Variants in LYPLA1 observed in about 807,000 individuals in gnomAD.
The protein encoded by LYPLA1 is acyl-protein thioesterase 1.
A neutral mutation model predicts 34.0 loss-of-function variants in LYPLA1; 17 were observed. The ratio of observed to expected loss-of-function variants is 0.50; its 90% CI spans 0.34 to 0.75. The LOEUF is 0.75. Among genes scored for constraint, LYPLA1 ranks in the 30% least tolerant of loss-of-function variants. The pLI is 0.01. For synonymous variants in LYPLA1, 98 were observed against 100.8 expected, an observed-to-expected ratio of 0.97 and a Z score of 0.17; for missense variants, 203 against 288.8, an observed-to-expected ratio of 0.70 and a Z score of 2.15.
chr8:54,062,307 A>G lies in LYPLA1; in HGVS notation c.233T>C (p.Leu78Pro). 1 of 1,606,412 alleles carries G rather than the reference A, an allele frequency of 6.2e-7. No homozygotes were observed. Among genetic ancestry groups the G allele is most frequent in the Non-Finnish European group, 8.5e-7 (1 of 1,177,324 alleles). ...AMPSWFDIIG[L>P]SPDSQEDESG... is the part of the protein sequence containing the mutation. ...TTCATCCTCCTGTGAATCTGGTGAA[A>G]GCCCAATAATATCAAACCTGTAAAA... Residue 78 changes from leucine (L) to proline (P), a missense_variant, in exon 5 of 9, where the codon CTT (leucine) becomes CCT (proline). Transcript: ENST00000316963.
downstream of LYPLA1, among the ~76,000 whole-genome samples, chr8:54,045,140 A>C (rs1360481238): frequency 1.3e-5 from 2 of 152,256 alleles, no homozygotes; most frequent in Non-Finnish European, 2.9e-5. Flanking sequence ...CTTCTGTAAA[A>C]TCAAGATGGT....
At chr8:54,060,208 C>T (rs983924630) in intron 5 of LYPLA1, among the ~76,000 whole-genome samples, 22 of 152,090 alleles carry the variant, frequency 1.4e-4, no homozygotes, top group African/African-American at 5.3e-4. Flanking sequence ...TCACTGTAGC[C>T]TCTGCCTCCC....
At chr8:54,044,058 A>G (rs1805427073), downstream of LYPLA1, among the ~76,000 whole-genome samples, 1 of 151,620 alleles carries the variant, frequency 6.6e-6, no homozygotes, top group Non-Finnish European at 1.5e-5. Flanking sequence ...TGCCCAGCTA[A>G]TTTTTGCATT....
intron 2 of LYPLA1, among the ~76,000 whole-genome samples, chr8:54,066,710 G>T (rs1334550251): frequency 1.3e-5 from 2 of 151,686 alleles, no homozygotes; most frequent in Non-Finnish European, 2.9e-5. Flanking sequence ...GAACCCAGGA[G>T]GTGGAGGCTG....
chr8:54,075,612 G>C (rs973519909), intron 2 of LYPLA1, among the ~76,000 whole-genome samples: 2 of 152,162 alleles, frequency 1.3e-5, no homozygotes, highest in Non-Finnish European at 2.9e-5. Flanking sequence ...CTATGATAGT[G>C]GTTATCACCA....
At chr8:54,085,977 T>C (rs952419502) in intron 2 of LYPLA1, among the ~76,000 whole-genome samples, 2 of 151,808 alleles carry the variant, frequency 1.3e-5, no homozygotes, top group African/African-American at 2.4e-5. Flanking sequence ...ACGATGGCGG[T>C]TTTGTCGAAT....
intron 2 of LYPLA1, among the ~76,000 whole-genome samples, chr8:54,079,317 A>T (rs897374288): frequency 7.2e-5 from 11 of 152,142 alleles, no homozygotes; most frequent in African/African-American, 2.7e-4. Context: ...ATTAGGAATA[A>T]ACTTAACGTG....
chr8:54,061,256 T>A (rs1806611671), intron 5 of LYPLA1, among the ~76,000 whole-genome samples: 1 of 151,856 alleles, frequency 6.6e-6, no homozygotes, highest in African/African-American at 2.4e-5. Flanking sequence ...AATTTTTTAA[T>A]TTTTAGTAGA....
At chr8:54,056,042 T>C (rs954302532) in intron 5 of LYPLA1, among the ~76,000 whole-genome samples, 1 of 152,174 alleles carries the variant, frequency 6.6e-6, no homozygotes, top group Non-Finnish European at 1.5e-5. Flanking sequence ...CTTCAAATTA[T>C]ACTACAGAGC....
At chr8:54,064,249 T>C (rs1048927800) in intron 3 of LYPLA1, among the ~76,000 whole-genome samples, 7 of 98,398 alleles carry the variant, frequency 7.1e-5, no homozygotes, top group Non-Finnish European at 1.2e-4. Flanking sequence ...ACCATGTCTC[T>C]ATTAAAAATA....
At chr8:54,068,384 C>T (rs1342205553) in intron 2 of LYPLA1, among the ~76,000 whole-genome samples, 4 of 152,086 alleles carry the variant, frequency 2.6e-5, no homozygotes. Context: ...TGTATGGAAA[C>T]TCAAGAGACC....
chr8:54,083,142 C>G (rs56087054), intron 2 of LYPLA1, among the ~76,000 whole-genome samples: 19,804 of 152,104 alleles, frequency 0.13, 3,420 homozygotes, highest in African/African-American at 0.4. Context: ...TGCACATATA[C>G]TGTTAAATTA....
At chr8:54,093,666 G>C (rs370120818) in intron 2 of LYPLA1, among the ~76,000 whole-genome samples, 1 of 152,112 alleles carries the variant, frequency 6.6e-6, no homozygotes, top group African/African-American at 2.4e-5. Context: ...GATGCTCCTC[G>C]TATGTCTCAC....
At chr8:54,099,504 T>C (rs1000349396) in intron 2 of LYPLA1, among the ~76,000 whole-genome samples, 1 of 151,952 alleles carries the variant, frequency 6.6e-6, no homozygotes, top group East Asian at 1.9e-4. Context: ...ATGGCAAAAC[T>C]CTGTCTCTAC....
intron 2 of LYPLA1, among the ~76,000 whole-genome samples, chr8:54,077,114 A>T (rs1484254661): frequency 6.6e-6 from 1 of 152,200 alleles, no homozygotes; most frequent in Non-Finnish European, 1.5e-5. Flanking sequence ...GGCAAACGGG[A>T]TAAAGAAAAT....
chr8:54,069,732 T>C (rs1367721338), intron 2 of LYPLA1, among the ~76,000 whole-genome samples: 1 of 150,522 alleles, frequency 6.6e-6, no homozygotes, highest in East Asian at 1.9e-4. Context: ...AAAAAAGGAA[T>C]ATACTAAATG....
chr8:54,087,196 G>T lies in LYPLA1; in HGVS notation c.101+13712C>A, dbSNP rs147370382. On this transcript the variant is annotated intron_variant, in intron 2 of 8. Transcript: ENST00000316963. ...GCTATTGAGGTCAGCAAGATCCCAGGATATAAAAAACTTATCAAAAAGGTA... is the reference window on the plus strand; with the variant it reads ...GCTATTGAGGTCAGCAAGATCCCAGTATATAAAAAACTTATCAAAAAGGTA... 1.1e-3 allele frequency among the ~76,000 whole-genome samples: 172 copies of T among 152,064 alleles called. 2 individuals carry two copies. The highest frequency in any genetic ancestry group is 4.0e-3 in the African/African-American group (164 of 41,464).
At position 54,050,995 on chromosome 8, in the gene LYPLA1, T is replaced by C; in HGVS notation, c.639+17A>G. 1.3e-6 allele frequency: 2 copies of C among 1,576,288 alleles called. No homozygotes were observed. Among genetic ancestry groups the C allele is most frequent in the East Asian group, 2.3e-5 (1 of 44,372 alleles). ...AAGTTACAAATATGGCGCTGATCAC[T>C]GCTTCTAGACACCTACCTGTTGACA... On this transcript the variant is annotated intron_variant, in intron 8 of 8. Transcript: ENST00000316963.
intron 2 of LYPLA1, among the ~76,000 whole-genome samples, chr8:54,089,016 A>G (rs767021223): frequency 1.4e-4 from 21 of 152,242 alleles, no homozygotes; most frequent in Admixed American, 3.9e-4. Flanking sequence ...TACGCAGAAT[A>G]AGCAAATCCA....
Sources: gnomAD v4.1 joint callset for allele counts (sites outside exome capture counted in the v4.1 genomes callset) on GRCh38, gnomAD v4.1.1 for gene constraint, MANE v1.5 for transcripts, NCBI Gene and HGNC (gene_info 2026-07-23, HGNC 2026-07-21) for gene names.